Variants in ZNF90 observed in about 807,000 individuals in gnomAD.
ZNF90 encodes zinc finger protein HTF9.
A neutral mutation model predicts 12.0 loss-of-function variants in ZNF90; 11 were observed. That is an observed-to-expected ratio of 0.92 (90% CI 0.58 to 1.52). ZNF90 has a LOEUF of 1.52. Ranked by LOEUF, ZNF90 falls within the 40% of genes most tolerant of loss-of-function variation. The pLI is 0.00. For synonymous variants in ZNF90, 232 were observed against 240.1 expected, an observed-to-expected ratio of 0.97 and a Z score of 0.31; for missense variants, 765 against 711.5, an observed-to-expected ratio of 1.08 and a Z score of -0.86.
intron 1 of ZNF90, among the ~76,000 whole-genome samples, chr19:20,091,096 C>T (rs1232313389): frequency 2.6e-5 from 4 of 151,624 alleles, no homozygotes; most frequent in Non-Finnish European, 5.9e-5. Context: ...CCGCGGTGGC[C>T]TTTCAGACCC....
chr19:20,101,625 T>A (rs1599647455), intron 1 of ZNF90, among the ~76,000 whole-genome samples: 1 of 152,354 alleles, frequency 6.6e-6, no homozygotes, highest in South Asian at 2.1e-4. Context: ...ACTTTTTCTG[T>A]CTTTGTTTTT....
intron 1 of ZNF90, among the ~76,000 whole-genome samples, chr19:20,083,058 C>G (rs2088832433): frequency 1.3e-5 from 2 of 152,184 alleles, no homozygotes; most frequent in African/African-American, 2.4e-5. Context: ...CCTGCTGACC[C>G]TTCCCCCGCT....
intron 1 of ZNF90, among the ~76,000 whole-genome samples, chr19:20,094,776 A>G (rs111965024): frequency 8.5e-5 from 13 of 152,286 alleles, no homozygotes; most frequent in African/African-American, 2.9e-4. Flanking sequence ...AGACATTGGA[A>G]TTCCTGTGTA....
intron 1 of ZNF90, among the ~76,000 whole-genome samples, chr19:20,094,653 G>C (rs1017084074): frequency 6.6e-6 from 1 of 152,098 alleles, no homozygotes; most frequent in Non-Finnish European, 1.5e-5. Context: ...TGAAGCCGGC[G>C]GTTATCAGCA....
At chr19:20,085,278 T>TCTTTTTTTTTTTTTTTTTTTG (rs1568282321) in intron 1 of ZNF90, among the ~76,000 whole-genome samples, 1 of 149,440 alleles carries the variant, frequency 6.7e-6, no homozygotes, top group Admixed American at 6.6e-5. Flanking sequence ...CTTTTTTTTT[T>TCTTTTTTTTTTTTTTTTTTTG]AGACGGAGTC....
chr19:20,105,559 G>C (rs1351852060), intron 3 of ZNF90, among the ~76,000 whole-genome samples: 1 of 152,168 alleles, frequency 6.6e-6, no homozygotes, highest in Non-Finnish European at 1.5e-5. Flanking sequence ...TTCACAGTGA[G>C]AGCCAGAGTC....
intron 3 of ZNF90, among the ~76,000 whole-genome samples, chr19:20,114,108 T>C (rs1555705433): frequency 1.3e-5 from 2 of 152,068 alleles, no homozygotes; most frequent in African/African-American, 2.4e-5. Context: ...CTGGCCACCA[T>C]GGGGAAACAT....
rs782808359 is a variant in ZNF90, at chr19:20,104,292, T to A, written c.57T>A (p.His19Gln). ...VAIEFSLEEW[H>Q]CLDTAQQNLY... The stretch of plus-strand genomic sequence containing the variant: ...TAGAATTCTCTCTGGAGGAGTGGCA[T>A]TGCCTGGACACTGCACAGCAGAATT... The change falls in exon 2 of 4, where the codon CAT becomes CAA. Residue 19 changes from histidine (H) to glutamine (Q), a missense_variant. His to Gln is a conservative substitution (Grantham distance 24). Transcript: ENST00000418063. The A allele has an allele frequency of 1.0e-4, 163 of 1,613,946 alleles. No homozygotes were observed. Among genetic ancestry groups the A allele is most frequent in the Non-Finnish European group, 1.3e-4 (153 of 1,179,978 alleles).
rs1469206792 is a variant in ZNF90, at chr19:20,118,046, G to T, written c.492G>T (p.Lys164Asn). Residue 164 changes from lysine (K) to asparagine (N), a missense_variant, in exon 4 of 4, where the codon AAG (lysine) becomes AAT (asparagine). By Grantham distance (94) the Lys-to-Asn change is moderately conservative (BLOSUM62 0). Transcript: ENST00000418063. The stretch of plus-strand genomic sequence containing the variant: ...TATTTTCAAATTCAAACAGACATAA[G>T]ATAAGAGATACTGGAAAAAAACCTT... ...SHIFSNSNRH[K>N]IRDTGKKPFK... 6.2e-7 allele frequency: 1 copy of T among 1,611,736 alleles called. No homozygotes were observed. The highest frequency in any genetic ancestry group is 2.2e-5 in the East Asian group (1 of 44,832).
chr19:20,108,944 C>T lies in ZNF90; in HGVS notation c.226+3628C>T, dbSNP rs111395281. On this transcript the variant is annotated intron_variant, in intron 3 of 3. Transcript: ENST00000418063. ...TTCACCATATTGGCCAGGCTGGTCT[C>T]GAGCTCCTGACCTCGTGATCTGCCC... Among the ~76,000 whole-genome samples the T allele has an allele frequency of 4.0e-3, 609 of 151,764 alleles. 7 individuals are homozygous for T. Among genetic ancestry groups the T allele is most frequent in the African/African-American group, 0.014 (582 of 41,366 alleles).
chr19:20,107,046 G>A (rs2089045620), intron 3 of ZNF90: 4 of 453,160 alleles, frequency 8.8e-6, no homozygotes, highest in Non-Finnish European at 1.8e-5. Flanking sequence ...GGATGTGGAT[G>A]AGTATGGCTC....
intron 1 of ZNF90, among the ~76,000 whole-genome samples, chr19:20,081,431 C>T (rs562694809): frequency 6.6e-6 from 1 of 152,292 alleles, no homozygotes; most frequent in South Asian, 2.1e-4. Context: ...TCATGATCCA[C>T]CCACCTTGCC....
intron 1 of ZNF90, chr19:20,087,569 ACT>A (rs1568283075): frequency 6.6e-6 from 1 of 152,354 alleles, no homozygotes; most frequent in African/African-American, 2.4e-5. Context: ...CTCAGGCTTC[ACT>A]CTCTGATGTG....
At chr19:20,080,310 C>G in intron 1 of ZNF90, 2 of 538,074 alleles carry the variant, frequency 3.7e-6, no homozygotes, top group Admixed American at 2.2e-5. Flanking sequence ...CATGGACGAT[C>G]CTTGTTTTAC....
chr19:20,112,931 G>A (rs2089102475), intron 3 of ZNF90, among the ~76,000 whole-genome samples: 1 of 151,494 alleles, frequency 6.6e-6, no homozygotes, highest in Admixed American at 6.6e-5. Context: ...TAATATTTTT[G>A]TGTTATATAT....
chr19:20,087,857 G>T (rs193240234), intron 1 of ZNF90, among the ~76,000 whole-genome samples: 89 of 152,174 alleles, frequency 5.8e-4, no homozygotes, highest in African/African-American at 2.1e-3. Context: ...AGTCAAAGGG[G>T]GTTTGTTCTC....
intron 3 of ZNF90, among the ~76,000 whole-genome samples, chr19:20,117,013 TTGTGTGTG>T (rs371655051): frequency 3.1e-4 from 40 of 128,708 alleles, no homozygotes; most frequent in Non-Finnish European, 5.1e-4. Flanking sequence ...CAACTTACAT[TTGTGTGTG>T]TGTGTGTGTG....
intron 1 of ZNF90, among the ~76,000 whole-genome samples, chr19:20,086,149 T>C (rs1256423273): frequency 6.6e-6 from 1 of 152,178 alleles, no homozygotes; most frequent in Non-Finnish European, 1.5e-5. Flanking sequence ...CCTTGCTTTC[T>C]ATTACTTCAT....
intron 1 of ZNF90, among the ~76,000 whole-genome samples, chr19:20,092,989 C>A (rs373918210): frequency 6.6e-6 from 1 of 152,124 alleles, no homozygotes; most frequent in African/African-American, 2.4e-5. Context: ...TGAAACCCTG[C>A]GGCAGCACAG....
Sources: allele counts gnomAD v4.1 joint callset (sites outside exome capture counted in the v4.1 genomes callset), GRCh38; gene constraint gnomAD v4.1.1; transcripts MANE v1.5; gene names NCBI Gene and HGNC (gene_info 2026-07-23, HGNC 2026-07-21).